IAH1: variants seen among roughly 807,000 people sequenced by gnomAD.
The protein encoded by IAH1 is isoamyl acetate hydrolyzing esterase 1 (putative).
In IAH1, 24 loss-of-function variants were observed where a neutral mutation model predicts 26.7. The ratio of observed to expected loss-of-function variants is 0.90; its 90% CI spans 0.65 to 1.26. IAH1 has a LOEUF of 1.26. IAH1 is among the 50% of genes most tolerant of loss of function. The probability of loss-of-function intolerance (pLI) is 0.00; values close to 1 mark genes in which losing one functional copy is unlikely to be tolerated. For synonymous variants in IAH1, 140 were observed against 118.5 expected (o/e 1.18, Z -1.18); for missense variants, 300 against 299.9 (o/e 1.00, Z 0.00).
intron 2 of IAH1, among the ~76,000 whole-genome samples, chr2:9,476,455 G>C (rs1417852417): frequency 6.6e-6 from 1 of 152,218 alleles, no homozygotes; most frequent in Non-Finnish European, 1.5e-5. Context: ...TTTGGTTTTT[G>C]GTGGTTTTTG....
At chr2:9,477,664 CTT>C (rs58198427) in intron 2 of IAH1, among the ~76,000 whole-genome samples, 183 of 140,290 alleles carry the variant, frequency 1.3e-3, no homozygotes, top group South Asian at 3.4e-3. Flanking sequence ...GGCAACCCGG[CTT>C]TTTTTTTTTT....
rs1682389417 is a variant in IAH1 at position 9,474,933 on chromosome 2, C to T, written c.81+286C>T. ...GCCCCGCGCCGCCTCCCACCCGGGT[C>T]GAGATGCGCGGTCTTCCCCTCAGCG... On this transcript the variant is annotated intron_variant, in intron 1 of 5. Transcript: ENST00000497473. This position sits in a 1 kb window ranked among gnomAD's most constrained non-coding sequence, Gnocchi z 4.3. 2.4e-6 allele frequency: 2 copies of T among 850,524 alleles called. No individual in the cohort carries two copies. The highest frequency in any genetic ancestry group is 7.9e-5 in the South Asian group (2 of 25,366). The allele number at this position is 850,524 out of a possible 1,614,324, so 52.7% of individuals were successfully genotyped here. A position where few individuals can be genotyped will look rare whatever the true frequency, so the allele number is the denominator to read the frequency against.
chr2:9,506,359 GTTTTTTTT>G, the IAH1 span, among the ~76,000 whole-genome samples: 93 of 73,238 alleles, frequency 1.3e-3, no homozygotes, highest in Non-Finnish European at 2.0e-3. Context: ...CTTCAAATCT[GTTTTTTTT>G]TTTTTTTTTT....
intron 5 of IAH1, 56 bp from the exon 6 acceptor site, chr2:9,488,091 G>T: frequency 8.3e-7 from 1 of 1,198,674 alleles, no homozygotes; most frequent in Non-Finnish European, 1.2e-6. Flanking sequence ...AATGACAGGG[G>T]TGAGCTACCA....
downstream of IAH1, among the ~76,000 whole-genome samples, chr2:9,500,418 A>C (rs1432706580): frequency 6.6e-6 from 1 of 152,216 alleles, no homozygotes; most frequent in East Asian, 1.9e-4. Flanking sequence ...GGGGGATTGG[A>C]GGATCATAGC....
downstream of IAH1, among the ~76,000 whole-genome samples, chr2:9,498,801 C>A (rs914475687): frequency 5.3e-5 from 8 of 152,066 alleles, no homozygotes; most frequent in African/African-American, 1.9e-4. Flanking sequence ...ATGATACTGC[C>A]CTGATACATT....
At chr2:9,486,326 A>G (rs1015922552) in intron 5 of IAH1, 4 of 152,146 alleles carry the variant, frequency 2.6e-5, no homozygotes, top group Non-Finnish European at 4.4e-5. Flanking sequence ...TTGAGTGCCA[A>G]AAGGGTCGAC....
upstream of IAH1, chr2:9,474,542 C>A: frequency 7.1e-7 from 1 of 1,398,622 alleles, no homozygotes; most frequent in Admixed American, 2.9e-5. This position sits in a 1 kb window ranked among gnomAD's most constrained non-coding sequence, Gnocchi z 4.3. Flanking sequence ...GCTGGCGGCC[C>A]CGCCCCGCCC....
chr2:9,486,414 T>C (rs958986073), intron 5 of IAH1: 2 of 152,188 alleles, frequency 1.3e-5, no homozygotes, highest in African/African-American at 2.4e-5. Flanking sequence ...TTCAATTTAA[T>C]ACAAAACTGA....
At chr2:9,498,114 C>T (rs1038598639), downstream of IAH1, among the ~76,000 whole-genome samples, 1 of 152,232 alleles carries the variant, frequency 6.6e-6, no homozygotes, top group Non-Finnish European at 1.5e-5. Flanking sequence ...ACTGCAGCCT[C>T]AAACTCCTAG....
chr2:9,509,383 A>G, the IAH1 span, among the ~76,000 whole-genome samples: 162 of 152,338 alleles, frequency 1.1e-3, no homozygotes, highest in African/African-American at 3.8e-3. Context: ...CAGTATCACA[A>G]ATCAACTAGT....
At chr2:9,487,842 G>GCGCGCACGCA (rs1553354426) in intron 5 of IAH1, among the ~76,000 whole-genome samples, 3 of 139,526 alleles carry the variant, frequency 2.2e-5, no homozygotes, top group African/African-American at 8.8e-5. Context: ...GTGCGCGCGC[G>GCGCGCACGCA]CGCGCGCGCT....
At chr2:9,491,834 G>A (rs556704513), downstream of IAH1, among the ~76,000 whole-genome samples, 18 of 152,298 alleles carry the variant, frequency 1.2e-4, no homozygotes, top group South Asian at 2.1e-4. Context: ...CCCTCCTATC[G>A]GAGGCTTTGC....
At position 9,488,268 on chromosome 2, in the gene IAH1, ACTGGCGGGATGTAGC is replaced by A; in HGVS notation, c.687_701del (p.Tyr229_Ala234delinsTer). 1 of 1,613,640 alleles carries A rather than the reference ACTGGCGGGATGTAGC, an allele frequency of 6.2e-7. No individual in the cohort carries two copies. Among genetic ancestry groups the A allele is most frequent in the Non-Finnish European group, 8.5e-7 (1 of 1,179,938 alleles). On this transcript the variant is annotated stop_gained and inframe_deletion, in exon 6 of 6. Transcript: ENST00000497473. LOFTEE classifies it high-confidence loss of function. Reference sequence around the variant, plus strand: ...TCTTCTCTACCTTTGCTGCTTCCTTACTGGCGGGATGTAGCAGAAGCAAAACCTGAATTAAGTCTG... The same window carrying A: ...TCTTCTCTACCTTTGCTGCTTCCTTAAGAAGCAAAACCTGAATTAAGTCTG...
the IAH1 span, among the ~76,000 whole-genome samples, chr2:9,505,878 T>C: frequency 2.6e-5 from 4 of 152,180 alleles, no homozygotes; most frequent in African/African-American, 9.7e-5. Context: ...GTTTAAATAT[T>C]TGAGCTTAGT....
rs1289006080 is a variant in IAH1, at chr2:9,488,339, G to A, written c.*10G>A. 10 of 1,580,026 alleles carry A rather than the reference G, an allele frequency of 6.3e-6. No homozygotes were observed. The Admixed American group carries it at 1.8e-4, about 28-fold the overall frequency. ...AGATGGAGACCATTAGCCAATCACA[G>A]GAGACCCAAATCTGCTTGTTATCTA... is the stretch of plus-strand genomic sequence containing the variant. On this transcript the variant is annotated 3_prime_UTR_variant, in exon 6 of 6. Transcript: ENST00000497473.
At chr2:9,495,304 C>T (rs542212933) in intron 6 of IAH1, among the ~76,000 whole-genome samples, 7 of 152,194 alleles carry the variant, frequency 4.6e-5, no homozygotes, top group Non-Finnish European at 7.3e-5. Context: ...GATAAAACAC[C>T]GGGCATCTGT....
chr2:9,492,891 G>T, downstream of IAH1: 4 of 1,603,564 alleles, frequency 2.5e-6, no homozygotes, highest in South Asian at 4.5e-5. Flanking sequence ...AAAAGTTGAT[G>T]ACTTACCACA....
At chr2:9,492,912 G>C, downstream of IAH1, 15 of 1,612,170 alleles carry the variant, frequency 9.3e-6, no homozygotes, top group Non-Finnish European at 1.3e-5. Flanking sequence ...CAATGGACAA[G>C]AATGCTGAAA....
Sources: gnomAD v4.1 joint callset for allele counts (sites outside exome capture counted in the v4.1 genomes callset) on GRCh38, gnomAD v4.1.1 for gene constraint, Gnocchi (gnomAD v3.1) non-coding constraint, MANE v1.5 for transcripts, NCBI Gene and HGNC (gene_info 2026-07-23, HGNC 2026-07-21) for gene names.